KASH5: variants seen among roughly 807,000 people sequenced by gnomAD.
The protein encoded by KASH5 is KASH domain containing 5, also known as protein KASH5.
In KASH5, 72 loss-of-function variants were observed where a neutral mutation model predicts 84.2. That is an observed-to-expected ratio of 0.85 (90% CI 0.71 to 1.04). The LOEUF is 1.04. Ranked by LOEUF, KASH5 falls within the 50% of genes least tolerant of loss-of-function variation. The probability of loss-of-function intolerance (pLI) is 0.00; values close to 1 mark genes in which losing one functional copy is unlikely to be tolerated. For synonymous variants in KASH5, 260 were observed against 279.1 expected (o/e 0.93, Z 0.68); for missense variants, 650 against 701.0 (o/e 0.93, Z 0.82).
chr19:49,414,788 C>T lies in KASH5; in HGVS notation c.1329-163C>T, dbSNP rs1299988956. On this transcript the variant is annotated intron_variant, in intron 16 of 19. Transcript: ENST00000447857. The surrounding 1 kb of genome is among the most constrained non-coding windows in gnomAD (Gnocchi z 4.5). ...CCCCAGGCCCGTCCGTGCTGCCTGG[C>T]CTCCCCCAGGCCCGTCCGTGCTGCC... Among the ~76,000 whole-genome samples, 2 of 146,116 alleles carry T rather than the reference C, an allele frequency of 1.4e-5. No homozygotes were observed. Among genetic ancestry groups the T allele is most frequent in the Non-Finnish European group, 3.0e-5 (2 of 66,258 alleles).
intron 15 of KASH5, among the ~76,000 whole-genome samples, chr19:49,411,811 G>A (rs1258859460): frequency 6.6e-6 from 1 of 152,050 alleles, no homozygotes; most frequent in Non-Finnish European, 1.5e-5. Flanking sequence ...GCCCAGAGAA[G>A]GGGTATCTGT....
In KASH5 at chr19:49,390,994, G is replaced by T. The variant is rs577751680; in HGVS notation, c.43+68G>T. 32 of 1,556,326 alleles carry T rather than the reference G, an allele frequency of 2.1e-5. No homozygotes were observed. In the South Asian group the frequency reaches 3.7e-4, roughly 18 times the overall value. On this transcript the variant is annotated intron_variant, in intron 2 of 19. Coordinates refer to ENST00000447857, the MANE Select transcript of KASH5 (RefSeq NM_144688.5). ...GGAGCCATGGGTGAATGGGTGCCAG[G>T]CTGTGACTCGGGGACTTGGGAGAGG...
At chr19:49,394,298 A>G (rs1387183006) in intron 2 of KASH5, among the ~76,000 whole-genome samples, 178 bp from the exon 3 acceptor site, 1 of 152,192 alleles carries the variant, frequency 6.6e-6, no homozygotes, top group Non-Finnish European at 1.5e-5. Flanking sequence ...AGTAACTCAG[A>G]GACCCTCACA....
chr19:49,410,049 AC>A (rs1364977047), intron 15 of KASH5, among the ~76,000 whole-genome samples, 174 bp downstream of exon 15: 7 of 152,002 alleles, frequency 4.6e-5, no homozygotes, highest in African/African-American at 1.4e-4. Context: ...ACCAGACACC[AC>A]CCCTACCCCA....
intron 9 of KASH5, among the ~76,000 whole-genome samples, chr19:49,401,865 A>T (rs1382728620): frequency 6.6e-6 from 1 of 152,230 alleles, no homozygotes; most frequent in Non-Finnish European, 1.5e-5. Flanking sequence ...GGGCAATGGG[A>T]ATCTCACAGC....
In KASH5 at chr19:49,401,055, C is replaced by T. The variant is rs184698555; in HGVS notation, c.798+1548C>T. ...ATGAGATTGATGGGTTTTGTCCAAG[C>T]GTTTGTCACCACTGTGTGCTGGCAT... On this transcript the variant is annotated intron_variant, in intron 9 of 19. Coordinates refer to ENST00000447857, the MANE Select transcript of KASH5 (RefSeq NM_144688.5). Among the ~76,000 whole-genome samples, 117 of 152,312 alleles carry T rather than the reference C, an allele frequency of 7.7e-4. 1 individual carries two copies. Among genetic ancestry groups the T allele is most frequent in the African/African-American group, 2.5e-3 (102 of 41,566 alleles).
At chr19:49,407,048 T>A in intron 10 of KASH5, 85 bp downstream of exon 10, 1 of 1,391,076 alleles carries the variant, frequency 7.2e-7, no homozygotes, top group Non-Finnish European at 1.0e-6. Flanking sequence ...TGCAGCCTGA[T>A]AAGGGCAGGG....
intron 15 of KASH5, among the ~76,000 whole-genome samples, chr19:49,411,632 G>C (rs1021191134): frequency 1.3e-5 from 2 of 152,184 alleles, no homozygotes; most frequent in African/African-American, 4.8e-5. Context: ...TCAAGGGGAA[G>C]ACTGAGCCAG....
In KASH5 at chr19:49,409,021, G is replaced by A. The variant is rs370226613; in HGVS notation, c.1048G>A (p.Gly350Arg). Residue 350 changes from glycine to arginine, a missense_variant, in exon 13 of 20, where the codon GGG becomes AGG. Physicochemically the swap from Gly to Arg is moderately radical, Grantham distance 125 (BLOSUM62 -2). Coordinates refer to ENST00000447857, the MANE Select transcript of KASH5 (RefSeq NM_144688.5). ...LEEQLSQTYE[G>R]PDELPEGAQL... ...GGAGCAGCTGAGTCAGACCTATGAG[G>A]GGCCCGATGAGTGAGTGGAATTTCA... 9 of 1,592,548 alleles carry A rather than the reference G, an allele frequency of 5.7e-6. No individual in the cohort carries two copies. The East Asian group carries it at 1.6e-4, about 28-fold the overall frequency.
At chr19:49,413,121 T>C (rs566818262) in intron 16 of KASH5, 95 bp downstream of exon 16, 1 of 1,216,826 alleles carries the variant, frequency 8.2e-7, no homozygotes, top group African/African-American at 1.5e-5. Context: ...GGATCGGCAT[T>C]CATTCATTCA....
chr19:49,405,315 G>C (rs1458728595), intron 9 of KASH5, among the ~76,000 whole-genome samples: 2 of 151,944 alleles, frequency 1.3e-5, no homozygotes, highest in Non-Finnish European at 2.9e-5. Context: ...AAATTAGCCA[G>C]GTGTGATGGC....
intron 15 of KASH5, among the ~76,000 whole-genome samples, chr19:49,410,739 C>T (rs1260975740): frequency 5.3e-5 from 8 of 152,094 alleles, no homozygotes; most frequent in African/African-American, 7.2e-5. Context: ...CTGCCCGCCT[C>T]GGCCTCCGAA....
In KASH5 at chr19:49,394,384, C is replaced by T. The variant is rs571926921; in HGVS notation, c.44-92C>T. 602 of 954,788 alleles carry T rather than the reference C, an allele frequency of 6.3e-4. 1 individual carries two copies. Among genetic ancestry groups the T allele is most frequent in the Admixed American group, 1.5e-3 (80 of 52,932 alleles). 59.1% of individuals were successfully genotyped at this position (954,788 alleles called of 1,614,324 possible). ...CAGTGCTCTGAGTGAATTCCCTCCC[C>T]GCTACAGAGCCCAGGAGGCTGAGGA... On this transcript the variant is annotated intron_variant, in intron 2 of 19. Transcript: ENST00000447857.
At chr19:49,388,561 A>G (rs4802601) in intron 1 of KASH5, 78,395 of 151,736 alleles carry the variant, frequency 0.52, 20,462 homozygotes, top group South Asian at 0.63. Context: ...GCGTAGTGGC[A>G]CGCGCCTATA....
chr19:49,413,054 CAG>C, intron 16 of KASH5, 28 bp downstream of exon 16: 1 of 1,606,152 alleles, frequency 6.2e-7, no homozygotes, highest in Non-Finnish European at 8.5e-7. Context: ...CCGTCTGCCT[CAG>C]GGTGACACCT....
At position 49,395,006 on chromosome 19, in the gene KASH5, C is replaced by T; in HGVS notation, c.149-100C>T. The T allele has an allele frequency of 3.2e-6, 3 of 923,710 alleles. No homozygotes were observed. Among genetic ancestry groups the T allele is most frequent in the Non-Finnish European group, 4.8e-6 (3 of 630,930 alleles). 57.2% of individuals were successfully genotyped at this position (923,710 alleles called of 1,614,324 possible). On this transcript the variant is annotated intron_variant, in intron 3 of 19. Coordinates refer to ENST00000447857, the MANE Select transcript of KASH5 (RefSeq NM_144688.5). The surrounding 1 kb of genome is among the most constrained non-coding windows in gnomAD (Gnocchi z 4.4). Reference sequence around the variant, plus strand: ...CCACTGGGCCATGGAGCAGGAGTGCCACCAGCCTAGCCAGTGACATCCTGG... The same window carrying T: ...CCACTGGGCCATGGAGCAGGAGTGCTACCAGCCTAGCCAGTGACATCCTGG...
At chr19:49,403,697 C>T (rs772206828) in intron 9 of KASH5, among the ~76,000 whole-genome samples, 2 of 152,178 alleles carry the variant, frequency 1.3e-5, no homozygotes, top group African/African-American at 2.4e-5. Flanking sequence ...GAGTAGATCC[C>T]TCGACAAAAG....
At chr19:49,394,856 G>A (rs1229901128) in intron 3 of KASH5, 4 of 589,952 alleles carry the variant, frequency 6.8e-6, no homozygotes, top group Non-Finnish European at 1.2e-5. Flanking sequence ...GTGGCGTGGG[G>A]CATGGCTGAT....
chr19:49,413,542 C>T (rs570627823), intron 16 of KASH5, among the ~76,000 whole-genome samples: 5 of 152,162 alleles, frequency 3.3e-5, no homozygotes, highest in Non-Finnish European at 7.4e-5. Context: ...CTCCCAGCTG[C>T]GGCTACTAAT....
Sources: allele counts gnomAD v4.1 joint callset (sites outside exome capture counted in the v4.1 genomes callset), GRCh38; gene constraint gnomAD v4.1.1; non-coding constraint Gnocchi (gnomAD v3.1); transcripts MANE v1.5; gene names NCBI Gene and HGNC (gene_info 2026-07-23, HGNC 2026-07-21).